The following WDSUB1 variants were observed in gnomAD, a reference collection of about 807,000 sequenced individuals.
WDSUB1 encodes the protein WD repeat, sterile alpha motif and U-box domain containing 1.
WDSUB1 carries 49 observed loss-of-function variants against 53.9 expected under a neutral mutation model. The observed-to-expected ratio is 0.91, with a 90% confidence interval of 0.72 to 1.15. The LOEUF (loss-of-function observed/expected upper bound fraction) is 1.15. Ranked by LOEUF, WDSUB1 falls within the 50% of genes most tolerant of loss-of-function variation. The pLI, the probability that WDSUB1 is intolerant of heterozygous loss-of-function variation, is 0.00. For synonymous variants in WDSUB1, 194 were observed against 200.6 expected (o/e 0.97, Z 0.28); for missense variants, 514 against 562.0 (o/e 0.91, Z 0.86).
chr2:159,236,887 C>T (rs189918191), intron 10 of WDSUB1, among the ~76,000 whole-genome samples: 1 of 152,160 alleles, frequency 6.6e-6, no homozygotes, highest in Non-Finnish European at 1.5e-5. Flanking sequence ...TCCCAAAGTG[C>T]TGGGATTACA....
In WDSUB1 at chr2:159,256,313, T is replaced by C; in HGVS notation, c.1015A>G (p.Thr339Ala). 6.2e-7 allele frequency: 1 copy of C among 1,612,702 alleles called. No individual in the cohort carries two copies. The highest frequency in any genetic ancestry group is 8.5e-7 in the Non-Finnish European group (1 of 1,179,566). Residue 339 changes from threonine (T) to alanine (A), a missense_variant, in exon 9 of 11, where the codon ACA becomes GCA. Thr to Ala is a moderately conservative substitution (Grantham distance 58). Coordinates refer to ENST00000359774, the MANE Select transcript of WDSUB1 (RefSeq NM_001128212.3). ...TEDWSEEDVS[T>A]WLCAQDLKDL... ...TTTAAATCTTGTGCACAAAGCCATG[T>C]TGAGACATCCTCCTCTGACCAATCT...
intron 10 of WDSUB1, among the ~76,000 whole-genome samples, chr2:159,243,785 A>G (rs1024010152): frequency 6.6e-6 from 1 of 152,224 alleles, no homozygotes; most frequent in Non-Finnish European, 1.5e-5. Flanking sequence ...AAATGCATAC[A>G]TATGTTAACC....
At chr2:159,263,335 A>G (rs2061264839) in intron 5 of WDSUB1, among the ~76,000 whole-genome samples, 1 of 152,248 alleles carries the variant, frequency 6.6e-6, no homozygotes. Context: ...TTTAGAAAGG[A>G]TTTGCAGTCT....
At chr2:159,241,017 A>G (rs1252069969) in intron 10 of WDSUB1, among the ~76,000 whole-genome samples, 2 of 152,214 alleles carry the variant, frequency 1.3e-5, no homozygotes, top group Non-Finnish European at 2.9e-5. Context: ...AGAAAAGTCT[A>G]CGATGACAAA....
At chr2:159,238,831 A>T (rs914996352) in intron 10 of WDSUB1, among the ~76,000 whole-genome samples, 7 of 138,796 alleles carry the variant, frequency 5.0e-5, no homozygotes, top group African/African-American at 2.2e-4. Context: ...CTCGGTAAAA[A>T]GTTTTATCAG....
At chr2:159,236,292 G>A (rs1284490039) in intron 10 of WDSUB1, 102 bp from the exon 11 acceptor site, 8 of 1,131,516 alleles carry the variant, frequency 7.1e-6, no homozygotes, top group South Asian at 3.3e-5. Flanking sequence ...CCTTTATTGT[G>A]ACTTAAGGGT....
At chr2:159,271,643 CGTGT>C (rs1470273689) in intron 5 of WDSUB1, 55 bp downstream of exon 5, 2 of 1,396,156 alleles carry the variant, frequency 1.4e-6, no homozygotes, top group Non-Finnish European at 2.0e-6. Context: ...TGTACTTTTC[CGTGT>C]GTCTGTTTGA....
chr2:159,262,067 G>T (rs2061239933), intron 5 of WDSUB1, among the ~76,000 whole-genome samples: 1 of 151,186 alleles, frequency 6.6e-6, no homozygotes, highest in South Asian at 2.1e-4. Context: ...GCCATGCTAA[G>T]CTTACAAAGA....
intron 10 of WDSUB1, among the ~76,000 whole-genome samples, chr2:159,247,916 T>TATATATATATAAATATATATATATATAA: frequency 1.4e-5 from 1 of 73,482 alleles, no homozygotes; most frequent in Admixed American, 1.7e-4. Flanking sequence ...TATAAATATA[T>TATATATATATAAATATATATATATATAA]ATATATATAT....
chr2:159,261,868 A>T (rs867363350), intron 5 of WDSUB1, among the ~76,000 whole-genome samples: 1 of 15,758 alleles, frequency 6.3e-5, no homozygotes, highest in African/African-American at 3.5e-4. Flanking sequence ...ATATATATAT[A>T]TATATATATA....
In WDSUB1 at chr2:159,243,087, G is replaced by A. The variant is rs1046484905; in HGVS notation, c.1273+5285C>T. ...AAATTGGTTCAATTCTGCTATTAAT[G>A]ATTAGGATTGGGTTTTTTAAAAAAA... On this transcript the variant is annotated intron_variant, in intron 10 of 10. Coordinates refer to ENST00000359774, the MANE Select transcript of WDSUB1 (RefSeq NM_001128212.3). Among the ~76,000 whole-genome samples, 3 of 147,944 alleles carry A rather than the reference G, an allele frequency of 2.0e-5. 1 individual carries two copies. Among genetic ancestry groups the A allele is most frequent in the Non-Finnish European group, 4.4e-5 (3 of 67,966 alleles).
intron 9 of WDSUB1, among the ~76,000 whole-genome samples, chr2:159,251,470 G>C (rs1175088052): frequency 2.6e-5 from 4 of 152,128 alleles, no homozygotes; most frequent in Non-Finnish European, 5.9e-5. Context: ...ACGTCATTTA[G>C]AAATGAAGTC....
chr2:159,268,242 A>C (rs2061382296), intron 5 of WDSUB1, among the ~76,000 whole-genome samples: 2 of 152,228 alleles, frequency 1.3e-5, no homozygotes. Context: ...CTTCAAGAGC[A>C]CAAACACTGT....
At chr2:159,258,121 TTACTC>T (rs1397709286) in intron 6 of WDSUB1, 136 bp from the exon 7 acceptor site, 25 of 745,444 alleles carry the variant, frequency 3.4e-5, no homozygotes, top group Non-Finnish European at 4.0e-5. Context: ...AGTTGAAACT[TTACTC>T]AATGAATAGC....
chr2:159,270,146 T>C (rs1036485223), intron 5 of WDSUB1, among the ~76,000 whole-genome samples: 1 of 152,192 alleles, frequency 6.6e-6, no homozygotes. Flanking sequence ...TATTTCCTTA[T>C]ATTGGCCACA....
At position 159,277,706 on chromosome 2, in the gene WDSUB1, G is replaced by A. The variant is rs369881954; in HGVS notation, c.583+2055C>T. Among the ~76,000 whole-genome samples, 20 of 151,498 alleles carry A rather than the reference G, an allele frequency of 1.3e-4. 1 individual carries two copies. The South Asian group carries it at 3.7e-3, about 28-fold the overall frequency. On this transcript the variant is annotated intron_variant, in intron 3 of 10. Coordinates refer to ENST00000359774, the MANE Select transcript of WDSUB1 (RefSeq NM_001128212.3). ...AGTATTTACAGATAATAACAAATACGAAATTAAACAAATTGAAATTATATA... is the reference window on the plus strand; with the variant it reads ...AGTATTTACAGATAATAACAAATACAAAATTAAACAAATTGAAATTATATA...
chr2:159,286,480 C>G (rs1053257789), intron 1 of WDSUB1, 103 bp downstream of exon 1: 1 of 152,250 alleles, frequency 6.6e-6, no homozygotes, highest in African/African-American at 2.4e-5. Context: ...CGGTTAGAAC[C>G]GGGAAATGGA....
chr2:159,238,118 A>G lies in WDSUB1; in HGVS notation c.1274-1928T>C, dbSNP rs138206813. Among the ~76,000 whole-genome samples the G allele has an allele frequency of 7.2e-5, 11 of 152,186 alleles. No individual in the cohort carries two copies. In the East Asian group the frequency reaches 1.3e-3, roughly 19 times the overall value. On this transcript the variant is annotated intron_variant, in intron 10 of 10. Transcript: ENST00000359774. ...ATATCAGCTGGAGAATCTTTTGTTC[A>G]TATGTTTGAGCCATTTGCTTTTCTT...
intron 5 of WDSUB1, among the ~76,000 whole-genome samples, chr2:159,261,879 TATATATATATATATATA>T (rs1230409510): frequency 0.01 from 172 of 17,086 alleles, 2 homozygotes; most frequent in Admixed American, 0.015. Context: ...TATATATATA[TATATATATATATATATA>T]TTTTTTTTTT....
Sources: allele counts gnomAD v4.1 joint callset (sites outside exome capture counted in the v4.1 genomes callset), GRCh38; gene constraint gnomAD v4.1.1; transcripts MANE v1.5; gene names NCBI Gene and HGNC (gene_info 2026-07-23, HGNC 2026-07-21).